The following FBF1 variants were observed in gnomAD, a reference collection of about 807,000 sequenced individuals.
FBF1 encodes the protein fas-binding factor 1.
FBF1 carries 119 observed loss-of-function variants against 147.2 expected under a neutral mutation model. The observed-to-expected ratio is 0.81, with a 90% CI of 0.70 to 0.94. The LOEUF is 0.94. FBF1 is among the 40% of genes least tolerant of loss of function. The pLI is 0.00. For synonymous variants in FBF1, 601 were observed against 609.0 expected, an observed-to-expected ratio of 0.99 and a Z score of 0.19; for missense variants, 1,449 against 1,500.8, an observed-to-expected ratio of 0.97 and a Z score of 0.57.
Position 75,935,671 on chromosome 17 carries a change from A to G in FBF1, c.34T>C (p.Ser12Pro). The G allele has an allele frequency of 6.5e-7, 1 of 1,536,968 alleles. No individual in the cohort carries two copies. Among genetic ancestry groups the G allele is most frequent in the Non-Finnish European group, 8.7e-7 (1 of 1,146,798 alleles). ...AGGTCACCAAGAAAATCATCAATGG[A>G]GCCTGGAACAGAAAAGGGACTGTCA... ...APKTKKGCKG[S>P]IDDFLGDLLG... is the part of the protein sequence containing the mutation. Residue 12 changes from serine (S) to proline (P), a missense_variant and splice_region_variant, in exon 4 of 30, where the codon TCC becomes CCC. Coordinates refer to ENST00000636174, the MANE Select transcript of FBF1 (RefSeq NM_001319193.2).
chr17:75,918,342 G>A lies in FBF1; in HGVS notation c.2139-73C>T. The A allele has an allele frequency of 7.6e-7, 1 of 1,313,242 alleles. No homozygotes were observed. Among genetic ancestry groups the A allele is most frequent in the South Asian group, 1.3e-5 (1 of 75,530 alleles). The allele number at this position is 1,313,242 out of a possible 1,614,324, so 81.3% of individuals were successfully genotyped here. A position where few individuals can be genotyped will look rare whatever the true frequency, so the allele number is the denominator to read the frequency against. On this transcript the variant is annotated intron_variant, in intron 20 of 29. Coordinates refer to ENST00000636174, the MANE Select transcript of FBF1 (RefSeq NM_001319193.2). The surrounding 1 kb of genome is among the most constrained non-coding windows in gnomAD (Gnocchi z 5.8). ...CTGATGCGGTAACTCCTTGTGGAAGGGTGTGTTTCCGTGCAGCCCTTGCTC... is the reference window on the plus strand; with the variant it reads ...CTGATGCGGTAACTCCTTGTGGAAGAGTGTGTTTCCGTGCAGCCCTTGCTC...
intron 17 of FBF1, among the ~76,000 whole-genome samples, chr17:75,920,729 G>A (rs1392921005): frequency 6.6e-6 from 1 of 152,060 alleles, no homozygotes; most frequent in African/African-American, 2.4e-5. Flanking sequence ...TATGACAAAA[G>A]CTGATGCTGG....
At chr17:75,927,950 C>T in intron 8 of FBF1, 126 bp downstream of exon 8, 1 of 727,870 alleles carries the variant, frequency 1.4e-6, no homozygotes, top group Non-Finnish European at 2.3e-6. Context: ...TTGGCCTCTC[C>T]ATCCTGTGCA....
intron 1 of FBF1, chr17:75,939,699 C>T (rs1186053876): frequency 1.3e-5 from 2 of 151,494 alleles, no homozygotes; most frequent in African/African-American, 2.4e-5. Context: ...TCCAGCAACA[C>T]GATTTTCACT....
chr17:75,910,876 C>T lies in FBF1; in HGVS notation c.3364-70G>A. On this transcript the variant is annotated intron_variant, in intron 29 of 29. Coordinates refer to ENST00000636174, the MANE Select transcript of FBF1 (RefSeq NM_001319193.2). The surrounding 1 kb of genome is among the most constrained non-coding windows in gnomAD (Gnocchi z 4.1). ...AGGGAGGTGGAGCCCTGGATGCTAG[C>T]TGAGCCAGCCGTCACTGAGGCCCCT... 1 of 1,368,022 alleles carries T rather than the reference C, an allele frequency of 7.3e-7. No individual in the cohort carries two copies. Among genetic ancestry groups the T allele is most frequent in the Non-Finnish European group, 1.0e-6 (1 of 983,142 alleles). The allele number at this position is 1,368,022 out of a possible 1,614,324, so 84.7% of individuals were successfully genotyped here. A position where few individuals can be genotyped will look rare whatever the true frequency, so the allele number is the denominator to read the frequency against.
intron 17 of FBF1, 64 bp from the exon 18 acceptor site, chr17:75,920,493 T>C (rs2065519056): frequency 6.7e-7 from 1 of 1,489,568 alleles, no homozygotes; most frequent in Non-Finnish European, 9.0e-7. Flanking sequence ...TGAGATCAGC[T>C]ACCTCCTGGC....
In FBF1 at chr17:75,909,815, T is replaced by A. The variant is rs1286335400; in HGVS notation, c.*908A>T. 1.5e-6 allele frequency: 1 copy of A among 658,604 alleles called. No homozygotes were observed. 40.8% of individuals were successfully genotyped at this position (658,604 alleles called of 1,614,324 possible). A position where few individuals can be genotyped will look rare whatever the true frequency, so the allele number is the denominator to read the frequency against. The stretch of plus-strand genomic sequence containing the variant: ...TTGTCCAGCAAATAACAGGAAACAT[T>A]TTCTAAGAAATAAGTATAAACTCCG... On this transcript the variant is annotated 3_prime_UTR_variant, in exon 30 of 30. Transcript: ENST00000636174.
Position 75,915,229 on chromosome 17 carries a change from T to C in FBF1, c.2506-90A>G, listed in dbSNP as rs893053817. 6.7e-6 allele frequency: 10 copies of C among 1,487,642 alleles called. No individual in the cohort carries two copies. In the African/African-American group the frequency reaches 1.4e-4, roughly 21 times the overall value. 92.2% of individuals were successfully genotyped at this position (1,487,642 alleles called of 1,614,324 possible). On this transcript the variant is annotated intron_variant, in intron 23 of 29. Transcript: ENST00000636174. ...CTGAGAAGCTGCATGAACCCACCAG[T>C]GTCTCCCACACTATGCCACTGACAC...
rs1484562479 is a variant in FBF1, at chr17:75,920,415, C to T, written c.1689G>A (p.Glu563=). The T allele has an allele frequency of 6.2e-7, 1 of 1,607,538 alleles. No individual in the cohort carries two copies. The highest frequency in any genetic ancestry group is 1.7e-5 in the Admixed American group (1 of 59,108). ...PSVPVQPLLP[E]SLARSLLPST... ...TCGGCAGCAGGCTCCGGGCCAGGGA[C>T]TCTGGGAGCAGGGGCTGGAGGAGAG... Residue 563 remains glutamate (E), a synonymous_variant, in exon 18 of 30, where the codon GAG becomes GAA. Transcript: ENST00000636174.
chr17:75,913,144 C>CTTT (rs869041751), intron 28 of FBF1, among the ~76,000 whole-genome samples: 2 of 124,064 alleles, frequency 1.6e-5, no homozygotes, highest in African/African-American at 3.1e-5. Context: ...TTGAGGGTGA[C>CTTT]TTTTTTTTTT....
chr17:75,912,125 CCCTG>C (rs2065459720), intron 29 of FBF1, 63 bp downstream of exon 29: 3 of 1,470,810 alleles, frequency 2.0e-6, no homozygotes, highest in Non-Finnish European at 2.8e-6. Flanking sequence ...ATGTGCTCCT[CCCTG>C]CCTCTGCCCT....
chr17:75,924,234 G>A (rs2065546947), intron 13 of FBF1, among the ~76,000 whole-genome samples: 1 of 152,044 alleles, frequency 6.6e-6, no homozygotes, highest in Non-Finnish European at 1.5e-5. Context: ...TAATAAGTTG[G>A]ATCAAGTGGT....
At position 75,937,573 on chromosome 17, in the gene FBF1, T is replaced by A. The variant is rs1419929507; in HGVS notation, c.24A>T (p.Gly8=). ...TTCCATCTCTCCACTCACCTTTACA[T>A]CCTTTCTTGGTTTTTGGTGCCTAAA... The part of the protein sequence containing the change: MAPKTKK[G]CKGSIDDFLG... The change falls in exon 3 of 30, where the codon GGA becomes GGT. Residue 8 remains glycine, a synonymous_variant. Coordinates refer to ENST00000636174, the MANE Select transcript of FBF1 (RefSeq NM_001319193.2). The A allele has an allele frequency of 1.2e-6, 2 of 1,613,866 alleles. No individual in the cohort carries two copies. Among genetic ancestry groups the A allele is most frequent in the East Asian group, 2.2e-5 (1 of 44,900 alleles).
Position 75,921,225 on chromosome 17 carries a change from T to C in FBF1, c.1674+19A>G, listed in dbSNP as rs758756117. The C allele has an allele frequency of 1.3e-6, 2 of 1,573,502 alleles. No individual in the cohort carries two copies. Among genetic ancestry groups the C allele is most frequent in the Non-Finnish European group, 1.7e-6 (2 of 1,159,110 alleles). ...TGCTCCCTAGGCCCTGAGCTAGACC[T>C]GTCTGCCCACACCCCTACCTGGACG... On this transcript the variant is annotated intron_variant, in intron 17 of 29. Transcript: ENST00000636174.
rs373094415 is a variant in FBF1, at chr17:75,914,939, T to C, written c.2629-7A>G. 1.9e-5 allele frequency: 30 copies of C among 1,611,232 alleles called. No homozygotes were observed. The African/African-American group carries it at 3.5e-4, about 19-fold the overall frequency. ...GCTCCTCCAGCAAGGCGCTCTGGGA[T>C]GTGGGGGTGAAGGCACGGGGTGAGT... On this transcript the variant is annotated splice_polypyrimidine_tract_variant and splice_region_variant and intron_variant, in intron 24 of 29. Coordinates refer to ENST00000636174, the MANE Select transcript of FBF1 (RefSeq NM_001319193.2).
rs369213689 is a variant in FBF1 at position 75,926,371 on chromosome 17, C to A, written c.651G>T (p.Leu217Phe). 6 of 1,609,572 alleles carry A rather than the reference C, an allele frequency of 3.7e-6. No homozygotes were observed. The East Asian group carries it at 8.9e-5, about 24-fold the overall frequency. Residue 217 changes from leucine (L) to phenylalanine (F), a missense_variant, in exon 11 of 30, where the codon TTG becomes TTT. Leu to Phe is a conservative substitution (Grantham distance 22). Coordinates refer to ENST00000636174, the MANE Select transcript of FBF1 (RefSeq NM_001319193.2). ...GDTPIRKKEE[L>F]LFDDGDDIMA... Reference sequence around the variant, plus strand: ...TGATGTCATCCCCATCATCAAACAACAATTCTTCTTTTTTTCGGATGGGGG... The same window carrying A: ...TGATGTCATCCCCATCATCAAACAAAAATTCTTCTTTTTTTCGGATGGGGG...
chr17:75,917,217 G>GC (rs996757628), intron 23 of FBF1, among the ~76,000 whole-genome samples: 1 of 152,212 alleles, frequency 6.6e-6, no homozygotes, highest in Admixed American at 6.5e-5. Flanking sequence ...TGCTGCCTCA[G>GC]CCCCCCAAGT....
chr17:75,917,632 T>C (rs866022267), intron 23 of FBF1, 100 bp downstream of exon 23: 5 of 1,094,416 alleles, frequency 4.6e-6, no homozygotes, highest in South Asian at 1.5e-5. Context: ...CTTGACCTCC[T>C]GAGGAAGTGA....
Position 75,930,005 on chromosome 17 carries a change from C to G in FBF1, c.271G>C (p.Ala91Pro), listed in dbSNP as rs202008629. 1.5e-6 allele frequency: 2 copies of G among 1,318,150 alleles called. No homozygotes were observed. Among genetic ancestry groups the G allele is most frequent in the Non-Finnish European group, 2.0e-6 (2 of 1,005,998 alleles). The allele number at this position is 1,318,150 out of a possible 1,614,324, so 81.7% of individuals were successfully genotyped here. The stretch of plus-strand genomic sequence containing the variant: ...GCAAGCTGTTTCCTTACCTTCATGG[C>G]CTGGAGCAGAGCCTGTGGGTCTGCC... ...SEADPQALLQ[A>P]MKDLDGMDAD... Residue 91 changes from alanine to proline, a missense_variant, in exon 7 of 30, where the codon GCC becomes CCC. By Grantham distance (27) the Ala-to-Pro change is conservative. Transcript: ENST00000636174.
Sources: gnomAD v4.1 joint callset for allele counts (sites outside exome capture counted in the v4.1 genomes callset) on GRCh38, gnomAD v4.1.1 for gene constraint, Gnocchi (gnomAD v3.1) non-coding constraint, MANE v1.5 for transcripts, NCBI Gene and HGNC (gene_info 2026-07-23, HGNC 2026-07-21) for gene names.